Variants in TBL2 observed in about 807,000 individuals in gnomAD.
TBL2 encodes the protein transducin beta-like protein 2.
TBL2 carries 33 observed loss-of-function variants against 41.8 expected under a neutral mutation model. That is an observed-to-expected ratio of 0.79 (90% CI 0.60 to 1.06). The LOEUF is 1.06. TBL2 is among the 50% of genes least tolerant of loss of function. The probability of loss-of-function intolerance (pLI) is 0.00; values close to 1 mark genes in which losing one functional copy is unlikely to be tolerated. For synonymous variants in TBL2, 239 were observed against 241.7 expected, an observed-to-expected ratio of 0.99 and a Z score of 0.10; for missense variants, 522 against 603.8, an observed-to-expected ratio of 0.86 and a Z score of 1.42.
At position 73,570,728 on chromosome 7, in the gene TBL2, A is replaced by G; in HGVS notation, c.1123T>C (p.Cys375Arg). 1 of 1,613,944 alleles carries G rather than the reference A, an allele frequency of 6.2e-7. No homozygotes were observed. The highest frequency in any genetic ancestry group is 8.5e-7 in the Non-Finnish European group (1 of 1,179,976). ...ATGTCAAAGGACAAGTTGGCGATAC[A>G]CTCGCCATGGACCCGCTCAAAGCAC... ...EECFERVHGE[C>R]IANLSFDITG... is the part of the protein sequence containing the mutation. The change falls in exon 7 of 7, where the codon TGT becomes CGT. Residue 375 changes from cysteine to arginine, a missense_variant. Transcript: ENST00000305632.
rs1478447045 is a variant in TBL2 at position 73,572,873 on chromosome 7, G to C, written c.696C>G (p.Asn232Lys). The C allele has an allele frequency of 2.5e-6, 4 of 1,614,042 alleles. No individual in the cohort carries two copies. In the African/African-American group the frequency reaches 5.3e-5, roughly 22 times the overall value. ...LSTINTNQMNNTHAAVSPCGR... is the reference protein window; with the variant it reads ...LSTINTNQMNKTHAAVSPCGR... ...CACAGGGAGATACAGCAGCGTGTGT[G>C]TTGTTCATCTGGTTGGTGTTGATGG... Residue 232 changes from asparagine to lysine, a missense_variant, in exon 5 of 7, where the codon AAC becomes AAG. Asn to Lys is a moderately conservative substitution (Grantham distance 94). Transcript: ENST00000305632.
intron 1 of TBL2, 182 bp from the exon 2 acceptor site, chr7:73,574,695 T>A: frequency 1.3e-6 from 1 of 770,106 alleles, no homozygotes; most frequent in Non-Finnish European, 2.1e-6. Context: ...GTATGGTGGC[T>A]CATGCCTGTA....
In TBL2 at chr7:73,573,215, T is replaced by C. The variant is rs1487863483; in HGVS notation, c.598+105A>G. 5.3e-6 allele frequency: 8 copies of C among 1,516,202 alleles called. No individual in the cohort carries two copies. In the Admixed American group the frequency reaches 9.3e-5, roughly 18 times the overall value. 93.9% of individuals were successfully genotyped at this position (1,516,202 alleles called of 1,614,324 possible). ...TTCAGAGCCAGGGACCCCTTGTTCC[T>C]CTCAGGTTGAGCAGAACTTTCAGGC... is the stretch of plus-strand genomic sequence containing the variant. On this transcript the variant is annotated intron_variant, in intron 4 of 6. Transcript: ENST00000305632.
At position 73,578,069 on chromosome 7, in the gene TBL2, A is replaced by G. The variant is rs566900007; in HGVS notation, c.130+351T>C. On this transcript the variant is annotated intron_variant, in intron 1 of 6. Coordinates refer to ENST00000305632, the MANE Select transcript of TBL2 (RefSeq NM_012453.4). ...TATCACAGGGTCATAGATGCCCAGT[A>G]AATGCTGCTGCACATCACAGAATTG... is the stretch of plus-strand genomic sequence containing the variant. The G allele has an allele frequency of 1.2e-5, 7 of 571,634 alleles. No individual in the cohort carries two copies. The South Asian group carries it at 1.6e-4, about 13-fold the overall frequency. The allele number at this position is 571,634 out of a possible 1,614,324, so 35.4% of individuals were successfully genotyped here.
At chr7:73,571,865 C>T (rs187849658) in intron 5 of TBL2, 69 of 159,816 alleles carry the variant, frequency 4.3e-4, no homozygotes, top group Non-Finnish European at 8.7e-4. Context: ...AGTTTGAGAC[C>T]AGCCTGACCA....
At chr7:73,572,812 G>A (rs1284787396) in intron 5 of TBL2, 32 bp downstream of exon 5, 1 of 1,613,506 alleles carries the variant, frequency 6.2e-7, no homozygotes, top group Non-Finnish European at 8.5e-7. Context: ...AGCCTCTCGT[G>A]GTCCCAGACG....
At chr7:73,574,296 G>T (rs913474590) in intron 2 of TBL2, 87 bp downstream of exon 2, 1 of 1,568,946 alleles carries the variant, frequency 6.4e-7, no homozygotes, top group East Asian at 2.3e-5. Context: ...AGAGGCAGGA[G>T]AGCCTGTAAC....
At position 73,567,783 on chromosome 7, in the gene TBL2, C is replaced by T. The variant is rs377188066; in HGVS notation, c.*2724G>A. On this transcript the variant is annotated 3_prime_UTR_variant, in exon 7 of 7. Coordinates refer to ENST00000305632, the MANE Select transcript of TBL2 (RefSeq NM_012453.4). Reference sequence around the variant, plus strand: ...TGACTTTTTGGTAGTGTTTTCTCGTCTCACTGAAACACAACATGGCAAGGT... The same window carrying T: ...TGACTTTTTGGTAGTGTTTTCTCGTTTCACTGAAACACAACATGGCAAGGT... Among the ~76,000 whole-genome samples the T allele has an allele frequency of 1.6e-4, 25 of 152,132 alleles. No homozygotes were observed. Among genetic ancestry groups the T allele is most frequent in the African/African-American group, 5.8e-4 (24 of 41,412 alleles).
At chr7:73,574,890 G>C (rs528832899) in intron 1 of TBL2, 1 of 363,444 alleles carries the variant, frequency 2.8e-6, no homozygotes, top group South Asian at 2.1e-5. Flanking sequence ...CTCTACTACT[G>C]ACTGACTACT....
At position 73,574,609 on chromosome 7, in the gene TBL2, T is replaced by C. The variant is rs782511783; in HGVS notation, c.131-96A>G. On this transcript the variant is annotated intron_variant, in intron 1 of 6. Transcript: ENST00000305632. The stretch of plus-strand genomic sequence containing the variant: ...AGGCATTGAGTGGAACAGCAGGAGA[T>C]TAACCAGATATGGCCCTTGTCTTCT... 15 of 1,556,974 alleles carry C rather than the reference T, an allele frequency of 9.6e-6. No homozygotes were observed. The South Asian group carries it at 1.7e-4, about 18-fold the overall frequency.
chr7:73,577,932 C>T (rs1221919373), intron 1 of TBL2: 3 of 263,080 alleles, frequency 1.1e-5, no homozygotes, highest in Admixed American at 5.6e-5. Flanking sequence ...GCCACTTCGC[C>T]TGGCCTCAGT....
chr7:73,574,722 T>A (rs782646990), intron 1 of TBL2: 12 of 656,150 alleles, frequency 1.8e-5, no homozygotes, highest in Non-Finnish European at 3.2e-5. Flanking sequence ...ATGCTTTGGA[T>A]CATTTGAGCC....
chr7:73,570,206 TTC>T lies in TBL2; in HGVS notation c.*299_*300del, dbSNP rs144053241. ...TGCTGCCACAAGGCCAAAAATCACA[TTC>T]TCTCTCTCTCTCCTCTCCTCTCTAC... On this transcript the variant is annotated 3_prime_UTR_variant, in exon 7 of 7. Transcript: ENST00000305632. 491 of 302,030 alleles carry T rather than the reference TTC, an allele frequency of 1.6e-3. No individual in the cohort carries two copies. Among genetic ancestry groups the T allele is most frequent in the Middle Eastern group, 3.9e-3 (4 of 1,026 alleles). 18.7% of individuals were successfully genotyped at this position (302,030 alleles called of 1,614,324 possible). A position where few individuals can be genotyped will look rare whatever the true frequency, so the allele number is the denominator to read the frequency against.
chr7:73,575,986 C>T (rs1483813897), intron 1 of TBL2, among the ~76,000 whole-genome samples: 3 of 151,808 alleles, frequency 2.0e-5, no homozygotes, highest in African/African-American at 7.3e-5. Flanking sequence ...ATGCAGTGAT[C>T]GTGCCACTGT....
At chr7:73,573,548 C>G in intron 3 of TBL2, 77 bp from the exon 4 acceptor site, 2 of 1,576,456 alleles carry the variant, frequency 1.3e-6, no homozygotes, top group Non-Finnish European at 1.7e-6. Flanking sequence ...GCTGGGTTCT[C>G]GGGGAAGTCA....
Position 73,570,587 on chromosome 7 carries a change from C to T in TBL2, c.1264G>A (p.Glu422Lys). The change falls in exon 7 of 7, where the codon GAG becomes AAG. Residue 422 changes from glutamate to lysine, a missense_variant. Glu to Lys is a moderately conservative substitution (Grantham distance 56). Transcript: ENST00000305632. ...MQGHLKRASN[E>K]STRQRLQQQL... ...TGCTGCAGCCTCTGGCGGGTGCTCT[C>T]GTTGGAGGCCCGCTTCAGGTGGCCC... 4 of 1,611,272 alleles carry T rather than the reference C, an allele frequency of 2.5e-6. No homozygotes were observed. Among genetic ancestry groups the T allele is most frequent in the Non-Finnish European group, 3.4e-6 (4 of 1,179,010 alleles).
At position 73,578,432 on chromosome 7, in the gene TBL2, C is replaced by A. The variant is rs1554589484; in HGVS notation, c.118G>T (p.Gly40Cys). The A allele has an allele frequency of 6.5e-7, 1 of 1,531,704 alleles. No individual in the cohort carries two copies. The highest frequency in any genetic ancestry group is 2.6e-5 in the East Asian group (1 of 37,892). 94.9% of individuals were successfully genotyped at this position (1,531,704 alleles called of 1,614,324 possible). ...GWLRAGEERS[G>C]RPACQKANGF... ...CGGCCCCACTTACAGGCGGGCCGGC[C>A]GCTCCTCTCCTCCCCCGCGCGCAGC... Residue 40 changes from glycine (G) to cysteine (C), a missense_variant, in exon 1 of 7, where the codon GGC becomes TGC. Gly to Cys is a radical substitution (Grantham distance 159). Transcript: ENST00000305632.
At chr7:73,577,085 C>T (rs1793367391) in intron 1 of TBL2, among the ~76,000 whole-genome samples, 1 of 151,746 alleles carries the variant, frequency 6.6e-6, no homozygotes, top group Non-Finnish European at 1.5e-5. Context: ...CAGTGAAACC[C>T]CGTCTCTACT....
chr7:73,575,573 G>A (rs964549969), intron 1 of TBL2, among the ~76,000 whole-genome samples: 6 of 152,176 alleles, frequency 3.9e-5, no homozygotes, highest in African/African-American at 9.7e-5. Context: ...GATTACAGGC[G>A]TGAGCCATGG....
Sources: gnomAD v4.1 joint callset for allele counts (sites outside exome capture counted in the v4.1 genomes callset) on GRCh38, gnomAD v4.1.1 for gene constraint, MANE v1.5 for transcripts, NCBI Gene and HGNC (gene_info 2026-07-23, HGNC 2026-07-21) for gene names.